MAP2K4: variants seen among roughly 807,000 people sequenced by gnomAD.
MAP2K4 encodes the protein dual specificity mitogen-activated protein kinase kinase 4.
In MAP2K4, 4 loss-of-function variants were observed where a neutral mutation model predicts 48.5. The observed-to-expected ratio is 0.08, with a 90% CI of 0.04 to 0.19. MAP2K4 has a LOEUF of 0.19. Ranked by LOEUF, MAP2K4 falls within the 10% of genes least tolerant of loss-of-function variation. The probability of loss-of-function intolerance (pLI) is 1.00; values close to 1 mark genes in which losing one functional copy is unlikely to be tolerated. For missense variants in MAP2K4, 258 were observed against 493.3 expected (o/e 0.52, Z 4.52); for synonymous variants, 166 against 173.1 (o/e 0.96, Z 0.32).
chr17:12,078,440 G>A (rs1271056479), intron 2 of MAP2K4, among the ~76,000 whole-genome samples: 1 of 152,136 alleles, frequency 6.6e-6, no homozygotes, highest in African/African-American at 2.4e-5. Context: ...GTTTTGATAT[G>A]GGCATGCAAT....
intron 9 of MAP2K4, among the ~76,000 whole-genome samples, chr17:12,132,099 A>T (rs1393619952): frequency 6.6e-6 from 1 of 152,216 alleles, no homozygotes; most frequent in Non-Finnish European, 1.5e-5. Flanking sequence ...ATTGGTGAGG[A>T]TCTGAAGCAA....
At chr17:12,059,628 A>G (rs1970388774) in intron 2 of MAP2K4, among the ~76,000 whole-genome samples, 1 of 152,184 alleles carries the variant, frequency 6.6e-6, no homozygotes, top group Non-Finnish European at 1.5e-5. Flanking sequence ...TTTTAAGTTT[A>G]AAGTGCTCTC....
chr17:12,050,103 G>C (rs760586435), intron 1 of MAP2K4, among the ~76,000 whole-genome samples: 1 of 152,102 alleles, frequency 6.6e-6, no homozygotes, highest in Non-Finnish European at 1.5e-5. Context: ...ATTCTTACAG[G>C]CTGGGTGGGA....
intron 9 of MAP2K4, among the ~76,000 whole-genome samples, chr17:12,133,435 T>G (rs1454648978): frequency 6.6e-6 from 1 of 152,186 alleles, no homozygotes. Context: ...GCTTCTAGAT[T>G]GCCTGTTGGA....
intron 4 of MAP2K4, among the ~76,000 whole-genome samples, chr17:12,106,988 A>G (rs1227870930): frequency 3.3e-5 from 5 of 152,044 alleles, no homozygotes; most frequent in African/African-American, 7.2e-5. Flanking sequence ...ATTCCCAGTC[A>G]TAGGATGATT....
rs538140150 is a variant in MAP2K4, at chr17:12,030,112, T to C, written c.115+9111T>C. On this transcript the variant is annotated intron_variant, in intron 1 of 10. Transcript: ENST00000353533. ...CCATCCTTACCCTTTGAGTATGAGC[T>C]AGTGGAGCTATTTGGTACTTTCCCA... Among the ~76,000 whole-genome samples the C allele has an allele frequency of 2.6e-5, 4 of 152,274 alleles. No homozygotes were observed. In the East Asian group the frequency reaches 7.7e-4, roughly 29 times the overall value.
intron 7 of MAP2K4, among the ~76,000 whole-genome samples, chr17:12,118,806 G>T (rs992252278): frequency 6.6e-6 from 1 of 152,286 alleles, no homozygotes; most frequent in South Asian, 2.1e-4. Flanking sequence ...GCCAGCACTT[G>T]GCCAACAGTG....
chr17:12,081,569 T>G lies in MAP2K4; in HGVS notation c.393+39T>G. The G allele has an allele frequency of 6.3e-7, 1 of 1,591,712 alleles. No homozygotes were observed. Among genetic ancestry groups the G allele is most frequent in the Non-Finnish European group, 8.6e-7 (1 of 1,163,546 alleles). Reference sequence around the variant, plus strand: ...TGATTATTTTTGGTACTTTAATCCATTAGGTGAAATTTCATGGTGCAGTAA... The same window carrying G: ...TGATTATTTTTGGTACTTTAATCCAGTAGGTGAAATTTCATGGTGCAGTAA... On this transcript the variant is annotated intron_variant, in intron 3 of 10. Coordinates refer to ENST00000353533, the MANE Select transcript of MAP2K4 (RefSeq NM_003010.4). The surrounding 1 kb of genome is among the most constrained non-coding windows in gnomAD (Gnocchi z 4.2).
intron 2 of MAP2K4, among the ~76,000 whole-genome samples, chr17:12,079,473 G>A (rs981288800): frequency 6.6e-6 from 1 of 152,072 alleles, no homozygotes; most frequent in African/African-American, 2.4e-5. Context: ...TTGGTTAGAG[G>A]TAAGTCACAG....
Position 12,081,476 on chromosome 17 carries a change from T to C in MAP2K4, c.339T>C (p.Tyr113=), listed in dbSNP as rs374744100. ...TTGGAGAAATTGGACGAGGAGCTTA[T>C]GGTTCTGTCAACAAAATGGTCCACA... ...KDLGEIGRGA[Y]GSVNKMVHKP... The change falls in exon 3 of 11, where the codon TAT becomes TAC. Residue 113 remains tyrosine, a synonymous_variant. Transcript: ENST00000353533. The surrounding 1 kb of genome is among the most constrained non-coding windows in gnomAD (Gnocchi z 4.2). 9.3e-6 allele frequency: 15 copies of C among 1,614,052 alleles called. No individual in the cohort carries two copies. In the African/African-American group the frequency reaches 1.6e-4, roughly 17 times the overall value.
chr17:12,126,251 A>G (rs1972848862), intron 8 of MAP2K4, among the ~76,000 whole-genome samples: 1 of 152,200 alleles, frequency 6.6e-6, no homozygotes, highest in African/African-American at 2.4e-5. Flanking sequence ...TTAGAACAAC[A>G]CTGAGAAAGA....
chr17:12,062,665 C>G (rs1970487335), intron 2 of MAP2K4, among the ~76,000 whole-genome samples: 1 of 152,180 alleles, frequency 6.6e-6, no homozygotes, highest in Non-Finnish European at 1.5e-5. Flanking sequence ...CATAATAGAT[C>G]AGCAGTTTTA....
intron 2 of MAP2K4, among the ~76,000 whole-genome samples, chr17:12,067,070 C>T (rs1970641185): frequency 6.6e-6 from 1 of 152,180 alleles, no homozygotes; most frequent in South Asian, 2.1e-4. Flanking sequence ...GATCCACCCA[C>T]CTCGGCCTCC....
intron 2 of MAP2K4, among the ~76,000 whole-genome samples, chr17:12,078,520 A>G (rs1463937937): frequency 6.6e-6 from 1 of 152,202 alleles, no homozygotes; most frequent in African/African-American, 2.4e-5. Flanking sequence ...GTTACAAACA[A>G]TCCAATTGTA....
Position 12,095,891 on chromosome 17 carries a change from GTGTT to G in MAP2K4, c.513+201_513+204del, listed in dbSNP as rs987336311. 6.9e-5 allele frequency among the ~76,000 whole-genome samples: 8 copies of G among 115,714 alleles called. No individual in the cohort carries two copies. The East Asian group carries it at 9.4e-4, about 14-fold the overall frequency. 75.9% of individuals were successfully genotyped at this position (115,714 alleles called of 152,430 possible). A position where few individuals can be genotyped will look rare whatever the true frequency, so the allele number is the denominator to read the frequency against. ...GGTGGGTAAGGGGTGAATCACACGT[GTGTT>G]TGTGTGTGTGTGTGTGTGTGTGTGT... is the stretch of plus-strand genomic sequence containing the variant. On this transcript the variant is annotated intron_variant, in intron 4 of 10. Coordinates refer to ENST00000353533, the MANE Select transcript of MAP2K4 (RefSeq NM_003010.4).
intron 1 of MAP2K4, among the ~76,000 whole-genome samples, chr17:12,051,582 C>G (rs567666595): frequency 6.6e-6 from 1 of 152,274 alleles, no homozygotes; most frequent in East Asian, 1.9e-4. Flanking sequence ...TTATTATAAT[C>G]ACAAATTCAT....
intron 2 of MAP2K4, among the ~76,000 whole-genome samples, chr17:12,067,586 G>T (rs565177829): frequency 1.3e-5 from 2 of 152,168 alleles, no homozygotes; most frequent in Non-Finnish European, 2.9e-5. Context: ...GCAGAAGTCA[G>T]ATATAAGAGG....
intron 1 of MAP2K4, among the ~76,000 whole-genome samples, chr17:12,053,408 C>T (rs1970199181): frequency 6.6e-6 from 1 of 151,760 alleles, no homozygotes; most frequent in African/African-American, 2.4e-5. Flanking sequence ...TGCTCATATT[C>T]TTATCACTTT....
Position 12,142,186 on chromosome 17 carries a change from A to G in MAP2K4, c.*926A>G, listed in dbSNP as rs528384363. 14 of 233,488 alleles carry G rather than the reference A, an allele frequency of 6.0e-5. No individual in the cohort carries two copies. The highest frequency in any genetic ancestry group is 2.6e-4 in the African/African-American group (12 of 45,346). 14.5% of individuals were successfully genotyped at this position (233,488 alleles called of 1,614,324 possible). On this transcript the variant is annotated 3_prime_UTR_variant, in exon 11 of 11. Coordinates refer to ENST00000353533, the MANE Select transcript of MAP2K4 (RefSeq NM_003010.4). Reference sequence around the variant, plus strand: ...ATCTGGAACAACTTGTAGCAGCTATATATTTCCCCTTGGTCCCAAGCCTGA... The same window carrying G: ...ATCTGGAACAACTTGTAGCAGCTATGTATTTCCCCTTGGTCCCAAGCCTGA...
Sources: gnomAD v4.1 joint callset for allele counts (sites outside exome capture counted in the v4.1 genomes callset) on GRCh38, gnomAD v4.1.1 for gene constraint, Gnocchi (gnomAD v3.1) non-coding constraint, MANE v1.5 for transcripts, NCBI Gene and HGNC (gene_info 2026-07-23, HGNC 2026-07-21) for gene names.